The following RCAN2 variants were observed in gnomAD, a reference collection of about 807,000 sequenced individuals.
The protein encoded by RCAN2 is calcipressin-2.
A neutral mutation model predicts 23.6 loss-of-function variants in RCAN2; 9 were observed. The ratio of observed to expected loss-of-function variants is 0.38; its 90% CI spans 0.23 to 0.67. RCAN2 has a LOEUF of 0.67. RCAN2 is among the 30% of genes least tolerant of loss of function. The pLI, the probability that RCAN2 is intolerant of heterozygous loss-of-function variation, is 0.51. For missense variants in RCAN2, 273 were observed against 302.3 expected, an observed-to-expected ratio of 0.90 and a Z score of 0.72; for synonymous variants, 109 against 115.7, an observed-to-expected ratio of 0.94 and a Z score of 0.37.
chr6:46,490,734 C>T (rs1452394463), intron 1 of RCAN2, among the ~76,000 whole-genome samples: 1 of 152,030 alleles, frequency 6.6e-6, no homozygotes, highest in Non-Finnish European at 1.5e-5. Flanking sequence ...AAGAAGGGAT[C>T]TCTCGATCTT....
intron 2 of RCAN2, among the ~76,000 whole-genome samples, chr6:46,451,991 T>C (rs1278067741): frequency 6.6e-6 from 1 of 152,202 alleles, no homozygotes; most frequent in Non-Finnish European, 1.5e-5. Context: ...AAATGTCCTT[T>C]TGTTTTGGCA....
chr6:46,437,114 C>T (rs930427678), intron 2 of RCAN2, among the ~76,000 whole-genome samples: 7 of 152,194 alleles, frequency 4.6e-5, no homozygotes, highest in Admixed American at 2.0e-4. Context: ...AGTACTCTTA[C>T]GGGCTTGAAA....
At chr6:46,479,097 A>G (rs1277595354) in intron 1 of RCAN2, among the ~76,000 whole-genome samples, 1 of 152,222 alleles carries the variant, frequency 6.6e-6, no homozygotes, top group Non-Finnish European at 1.5e-5. Context: ...GGTTCAAAGG[A>G]AATATCAATG....
At chr6:46,435,833 A>G (rs1025243118) in intron 2 of RCAN2, among the ~76,000 whole-genome samples, 4 of 152,240 alleles carry the variant, frequency 2.6e-5, no homozygotes, top group Non-Finnish European at 4.4e-5. Context: ...CAGGCTTCAC[A>G]TGGAGGCATA....
intron 2 of RCAN2, among the ~76,000 whole-genome samples, chr6:46,400,277 T>C (rs1181620219): frequency 1.3e-5 from 2 of 152,208 alleles, no homozygotes; most frequent in East Asian, 3.8e-4. Flanking sequence ...CCTAGAAAGC[T>C]CATTACCAGG....
intron 1 of RCAN2, among the ~76,000 whole-genome samples, chr6:46,463,126 C>G (rs1175214527): frequency 6.6e-6 from 1 of 152,104 alleles, no homozygotes; most frequent in Non-Finnish European, 1.5e-5. Context: ...GTCTTGGCAA[C>G]CTGGAGAGAT....
At chr6:46,469,827 A>C (rs1768505339) in intron 1 of RCAN2, among the ~76,000 whole-genome samples, 1 of 152,172 alleles carries the variant, frequency 6.6e-6, no homozygotes, top group Non-Finnish European at 1.5e-5. Flanking sequence ...CTTGTGAATG[A>C]GATTAAGGTA....
At chr6:46,372,947 G>A (rs1454656440) in intron 2 of RCAN2, among the ~76,000 whole-genome samples, 1 of 152,192 alleles carries the variant, frequency 6.6e-6, no homozygotes, top group East Asian at 1.9e-4. Flanking sequence ...ATGAGTCTCA[G>A]ACAAAGGAAA....
Position 46,456,710 on chromosome 6 carries a change from C to A in RCAN2, c.225+42G>T, listed in dbSNP as rs143624595. On this transcript the variant is annotated intron_variant, in intron 2 of 4. Coordinates refer to ENST00000371374, the MANE Select transcript of RCAN2 (RefSeq NM_001251974.2). ...ACAACAGGATTACTTGGAGATAATG[C>A]CATATCTCCCCATGTTTTAGGAACA... 7,330 of 1,355,636 alleles carry A rather than the reference C, an allele frequency of 5.4e-3. 34 individuals carry two copies. The highest frequency in any genetic ancestry group is 7.2e-3 in the Admixed American group (365 of 50,572). 84.0% of individuals were successfully genotyped at this position (1,355,636 alleles called of 1,614,324 possible).
chr6:46,432,292 C>A (rs1425212684), intron 2 of RCAN2, among the ~76,000 whole-genome samples: 2 of 152,136 alleles, frequency 1.3e-5, no homozygotes, highest in Non-Finnish European at 2.9e-5. Context: ...CGGCTCACCA[C>A]AACCTCTGCC....
chr6:46,282,926 A>G (rs1762249677), intron 2 of RCAN2, among the ~76,000 whole-genome samples: 1 of 152,250 alleles, frequency 6.6e-6, no homozygotes, highest in Admixed American at 6.5e-5. Flanking sequence ...AGTTAGGGTT[A>G]TCTATTCTAA....
chr6:46,443,553 G>C (rs1309311055), intron 2 of RCAN2, among the ~76,000 whole-genome samples: 1 of 151,580 alleles, frequency 6.6e-6, no homozygotes, highest in African/African-American at 2.4e-5. Context: ...TCTTCTCCTT[G>C]ATGTAGTTAT....
At chr6:46,403,146 T>C (rs1221575515) in intron 2 of RCAN2, among the ~76,000 whole-genome samples, 1 of 152,072 alleles carries the variant, frequency 6.6e-6, no homozygotes, top group African/African-American at 2.4e-5. Flanking sequence ...TTTGTATTTT[T>C]AGTAGAGACG....
chr6:46,363,126 G>C (rs1399929271), intron 2 of RCAN2, among the ~76,000 whole-genome samples: 1 of 152,114 alleles, frequency 6.6e-6, no homozygotes, highest in Non-Finnish European at 1.5e-5. Flanking sequence ...GGAATAAGTA[G>C]GAAACTCAAA....
intron 2 of RCAN2, among the ~76,000 whole-genome samples, chr6:46,314,310 C>T (rs1035821047): frequency 5.7e-5 from 8 of 140,816 alleles, no homozygotes; most frequent in South Asian, 2.2e-4. Flanking sequence ...TGCAGTGAGC[C>T]GAGATTGCAA....
chr6:46,392,131 ATG>A (rs1765954706), intron 2 of RCAN2, among the ~76,000 whole-genome samples: 1 of 152,164 alleles, frequency 6.6e-6, no homozygotes, highest in Non-Finnish European at 1.5e-5. Flanking sequence ...AAAAATGTAC[ATG>A]TAAGCCATGC....
Position 46,434,431 on chromosome 6 carries a change from T to A in RCAN2, c.225+22321A>T, listed in dbSNP as rs563664816. On this transcript the variant is annotated intron_variant, in intron 2 of 4. Transcript: ENST00000371374. ...CTCTGGGGAGACCTTACATGACAGTTTTTTTTGGAATGAGGAAGGAATATT... is the reference window on the plus strand; with the variant it reads ...CTCTGGGGAGACCTTACATGACAGTATTTTTTGGAATGAGGAAGGAATATT... Among the ~76,000 whole-genome samples the A allele has an allele frequency of 4.6e-5, 7 of 152,192 alleles. No homozygotes were observed. In the East Asian group the frequency reaches 1.4e-3, roughly 29 times the overall value.
intron 2 of RCAN2, chr6:46,325,355 T>G (rs752061789): frequency 6.2e-7 from 1 of 1,611,590 alleles, no homozygotes; most frequent in Non-Finnish European, 8.5e-7. Context: ...GCAGCGTCAG[T>G]AACAGCAACA....
chr6:46,454,275 A>C (rs533222867), intron 2 of RCAN2, among the ~76,000 whole-genome samples: 1 of 152,330 alleles, frequency 6.6e-6, no homozygotes, highest in Admixed American at 6.5e-5. Context: ...TTATCATAAT[A>C]GTTTTTTAAA....
Sources: allele counts gnomAD v4.1 joint callset (sites outside exome capture counted in the v4.1 genomes callset), GRCh38; gene constraint gnomAD v4.1.1; transcripts MANE v1.5; gene names NCBI Gene and HGNC (gene_info 2026-07-23, HGNC 2026-07-21).